CHST9: variants seen among roughly 807,000 people sequenced by gnomAD.
CHST9 encodes the protein carbohydrate sulfotransferase 9.
A neutral mutation model predicts 44.4 loss-of-function variants in CHST9; 41 were observed. The ratio of observed to expected loss-of-function variants is 0.92; its 90% confidence interval spans 0.72 to 1.20. The LOEUF is 1.20. CHST9 is among the 50% of genes most tolerant of loss of function. The pLI, the probability that CHST9 is intolerant of heterozygous loss-of-function variation, is 0.00. For missense variants in CHST9, 504 were observed against 516.5 expected (o/e 0.98, Z 0.23); for synonymous variants, 171 against 178.4 (o/e 0.96, Z 0.33).
At position 26,917,352 on chromosome 18, in the gene CHST9, T is replaced by C. The variant is rs748984034; in HGVS notation, c.241-2A>G. 1 of 1,606,308 alleles carries C rather than the reference T, an allele frequency of 6.2e-7. No homozygotes were observed. On this transcript the variant is annotated splice_acceptor_variant, in intron 5 of 5. Coordinates refer to ENST00000618847, the MANE Select transcript of CHST9 (RefSeq NM_031422.6). LOFTEE classifies it high-confidence loss of function. ...CTCAGGCATGTGAAACTTGGGGTTCTGTTAAAATAAAGAAGGAGAAATGTT... is the reference window on the plus strand; with the variant it reads ...CTCAGGCATGTGAAACTTGGGGTTCCGTTAAAATAAAGAAGGAGAAATGTT...
At chr18:27,041,463 T>G (rs1424951464) in intron 3 of CHST9, among the ~76,000 whole-genome samples, 2 of 152,122 alleles carry the variant, frequency 1.3e-5, no homozygotes, top group Non-Finnish European at 2.9e-5. Context: ...AAATTTATTG[T>G]GATGCAGCTG....
At chr18:27,048,618 C>T (rs2057531912) in intron 2 of CHST9, 115 bp from the exon 3 acceptor site, 1 of 757,820 alleles carries the variant, frequency 1.3e-6, no homozygotes, top group Non-Finnish European at 2.2e-6. Flanking sequence ...TCAGCCATGT[C>T]CAGTGTGCTC....
chr18:26,936,299 T>C (rs1261737078), intron 5 of CHST9: 2 of 152,158 alleles, frequency 1.3e-5, no homozygotes, highest in Admixed American at 6.5e-5. Flanking sequence ...AAGTTTTCAT[T>C]TGAGTCCTTA....
intron 2 of CHST9, among the ~76,000 whole-genome samples, chr18:27,109,713 C>T (rs1488934722): frequency 6.6e-6 from 1 of 152,176 alleles, no homozygotes; most frequent in South Asian, 2.1e-4. Flanking sequence ...TTCATCACTG[C>T]TGCTTCATTT....
At chr18:26,964,913 C>T (rs1281254393) in intron 4 of CHST9, among the ~76,000 whole-genome samples, 2 of 152,086 alleles carry the variant, frequency 1.3e-5, no homozygotes, top group Admixed American at 6.5e-5. Context: ...GGGAAAGGAG[C>T]GAAGATGGGA....
chr18:26,958,780 C>T (rs1461668632), intron 4 of CHST9, among the ~76,000 whole-genome samples: 1 of 152,184 alleles, frequency 6.6e-6, no homozygotes, highest in Non-Finnish European at 1.5e-5. Flanking sequence ...GATAGCATCT[C>T]ATGCCAGTTA....
chr18:27,060,713 G>T (rs919515535), intron 2 of CHST9, among the ~76,000 whole-genome samples: 1 of 152,286 alleles, frequency 6.6e-6, no homozygotes, highest in East Asian at 1.9e-4. Flanking sequence ...CACATGACAT[G>T]CATAAAACAT....
intron 3 of CHST9, among the ~76,000 whole-genome samples, chr18:27,047,603 A>G (rs1055245344): frequency 2.6e-5 from 4 of 152,108 alleles, no homozygotes; most frequent in Non-Finnish European, 5.9e-5. Context: ...TCTTCTATTG[A>G]CTATGCTGAC....
intron 2 of CHST9, among the ~76,000 whole-genome samples, chr18:27,060,788 T>C (rs893909107): frequency 1.3e-5 from 2 of 152,218 alleles, no homozygotes; most frequent in African/African-American, 4.8e-5. Context: ...TTCTGGCTAA[T>C]GACATGTACA....
chr18:27,138,495 G>A (rs1298744724), intron 2 of CHST9, among the ~76,000 whole-genome samples: 2 of 152,114 alleles, frequency 1.3e-5, no homozygotes, highest in African/African-American at 4.8e-5. Flanking sequence ...TTGGATCTAA[G>A]CCTTCATTTT....
At chr18:26,971,657 A>C (rs1305214216) in intron 4 of CHST9, among the ~76,000 whole-genome samples, 1 of 152,242 alleles carries the variant, frequency 6.6e-6, no homozygotes, top group Non-Finnish European at 1.5e-5. Context: ...TGGACGTGGC[A>C]GATGTGCTGG....
intron 2 of CHST9, among the ~76,000 whole-genome samples, chr18:27,127,246 A>G (rs1243135734): frequency 1.3e-5 from 2 of 152,202 alleles, no homozygotes; most frequent in Non-Finnish European, 2.9e-5. Flanking sequence ...AGAACTCTGA[A>G]GAACATCAAT....
chr18:26,934,890 T>C (rs937968041), intron 5 of CHST9: 1 of 152,226 alleles, frequency 6.6e-6, no homozygotes. Context: ...GTATCATTAA[T>C]AAGCAAGCAA....
intron 4 of CHST9, among the ~76,000 whole-genome samples, chr18:26,982,104 G>A (rs2145192757): frequency 6.6e-6 from 1 of 152,248 alleles, no homozygotes; most frequent in East Asian, 1.9e-4. Flanking sequence ...CCTCCGCAGA[G>A]TAAAAAAGAC....
chr18:27,164,591 A>G (rs1445175143), intron 1 of CHST9, among the ~76,000 whole-genome samples: 1 of 152,172 alleles, frequency 6.6e-6, no homozygotes, highest in East Asian at 1.9e-4. Context: ...GAAAAACATG[A>G]GTTTCTAGAT....
chr18:26,959,408 C>G (rs2056371356), intron 4 of CHST9, among the ~76,000 whole-genome samples: 1 of 152,200 alleles, frequency 6.6e-6, no homozygotes, highest in Non-Finnish European at 1.5e-5. Flanking sequence ...GTATCCCAAA[C>G]TTCAGCATCA....
chr18:26,956,722 T>A (rs2056331349), intron 4 of CHST9, among the ~76,000 whole-genome samples: 1 of 152,154 alleles, frequency 6.6e-6, no homozygotes, highest in Admixed American at 6.6e-5. Context: ...TAGGGGGATA[T>A]GTTTTAACTA....
chr18:27,109,834 C>T (rs2058254761), intron 2 of CHST9, among the ~76,000 whole-genome samples: 1 of 151,938 alleles, frequency 6.6e-6, no homozygotes, highest in Admixed American at 6.6e-5. Flanking sequence ...TGATGTTTCT[C>T]TTCATAATCA....
At chr18:27,146,661 A>G (rs1240625647) in intron 1 of CHST9, among the ~76,000 whole-genome samples, 1 of 152,204 alleles carries the variant, frequency 6.6e-6, no homozygotes, top group Non-Finnish European at 1.5e-5. Flanking sequence ...TAAACAGAAT[A>G]TCTTGAGCCT....
Sources: allele counts gnomAD v4.1 joint callset (sites outside exome capture counted in the v4.1 genomes callset), GRCh38; gene constraint gnomAD v4.1.1; transcripts MANE v1.5; gene names NCBI Gene and HGNC (gene_info 2026-07-23, HGNC 2026-07-21).